CDH23: variants seen among roughly 807,000 people sequenced by gnomAD.
The protein encoded by CDH23 is cadherin-23.
Under a neutral mutation model 317.1 loss-of-function variants are expected in CDH23, and 189 were observed. The ratio of observed to expected loss-of-function variants is 0.60; its 90% CI spans 0.53 to 0.67. The LOEUF is 0.67. CDH23 is among the 30% of genes least tolerant of loss of function. The pLI is 0.00. For missense variants in CDH23, 4,401 were observed against 4,592.4 expected (o/e 0.96, Z 1.20); for synonymous variants, 1,839 against 1,876.8 (o/e 0.98, Z 0.52).
At chr10:71,569,568 C>T (rs1421976895) in intron 7 of CDH23, among the ~76,000 whole-genome samples, 3 of 152,126 alleles carry the variant, frequency 2.0e-5, no homozygotes, top group African/African-American at 4.8e-5. Flanking sequence ...ATTAAGAGAC[C>T]GAACTGATGT....
intron 9 of CDH23, among the ~76,000 whole-genome samples, chr10:71,595,372 C>G (rs557855267): frequency 2.3e-4 from 35 of 152,250 alleles, no homozygotes; most frequent in Non-Finnish European, 4.0e-4. Context: ...TCACCTCCCC[C>G]AGGAAGCCTT....
intron 6 of CDH23, among the ~76,000 whole-genome samples, chr10:71,519,064 A>C (rs187940068): frequency 3.3e-5 from 5 of 152,292 alleles, no homozygotes; most frequent in African/African-American, 1.2e-4. Flanking sequence ...AATGTTCTTA[A>C]TTACATCAGT....
intron 17 of CDH23, 37 bp from the exon 18 acceptor site, chr10:71,682,408 G>T: frequency 6.2e-7 from 1 of 1,606,902 alleles, no homozygotes. Context: ...TCTCAAGTCT[G>T]CTTACAGAGG....
At chr10:71,503,144 C>CGGTGGAG (rs1853432575) in intron 3 of CDH23, among the ~76,000 whole-genome samples, 1 of 152,250 alleles carries the variant, frequency 6.6e-6, no homozygotes. Flanking sequence ...GCCGAGGCCA[C>CGGTGGAG]GGTGGAGGAT....
intron 53 of CDH23, 87 bp from the exon 54 acceptor site, chr10:71,802,811 C>A: frequency 7.1e-7 from 1 of 1,413,024 alleles, no homozygotes; most frequent in Non-Finnish European, 9.9e-7. Flanking sequence ...TGTCCTTCCT[C>A]TATCCAGGCT....
rs747091471 is a variant in CDH23 at position 71,707,392 on chromosome 10, CAG to C, written c.3106+346_3106+347del. 7 of 1,347,526 alleles carry C rather than the reference CAG, an allele frequency of 5.2e-6. No individual in the cohort carries two copies. In the East Asian group the frequency reaches 1.1e-4, roughly 21 times the overall value. 83.5% of individuals were successfully genotyped at this position (1,347,526 alleles called of 1,614,324 possible). A position where few individuals can be genotyped will look rare whatever the true frequency, so the allele number is the denominator to read the frequency against. On this transcript the variant is annotated intron_variant, in intron 26 of 69. Transcript: ENST00000224721. ...CACTCCCCGCCCCAAGTCTGGGTGACAGAGCAGTGACTTGGAGGAATGTGGCC... is the reference window on the plus strand; with the variant it reads ...CACTCCCCGCCCCAAGTCTGGGTGACAGCAGTGACTTGGAGGAATGTGGCC...
chr10:71,624,734 C>CTATTATTATTATTATTATTAT (rs57038733), intron 11 of CDH23, among the ~76,000 whole-genome samples: 1 of 146,214 alleles, frequency 6.8e-6, no homozygotes. Context: ...TAGACATTAG[C>CTATTATTATTATTATTATTAT]TATTATTATT....
chr10:71,811,218 T>C (rs1251988657), intron 62 of CDH23, 97 bp from the exon 63 acceptor site: 9 of 1,570,928 alleles, frequency 5.7e-6, no homozygotes, highest in Non-Finnish European at 7.9e-6. Flanking sequence ...AGGCTTGGGG[T>C]TGTTGAACTT....
At chr10:71,770,774 A>AGGTGGGT in intron 38 of CDH23, among the ~76,000 whole-genome samples, 1 of 152,282 alleles carries the variant, frequency 6.6e-6, no homozygotes, top group South Asian at 2.1e-4. Context: ...TCTCCCAGGA[A>AGGTGGGT]GGTCAGACCC....
At chr10:71,651,249 G>T (rs1200528037) in intron 14 of CDH23, among the ~76,000 whole-genome samples, 4 of 152,158 alleles carry the variant, frequency 2.6e-5, no homozygotes, top group Middle Eastern at 3.4e-3. Context: ...GAGAAAAGAG[G>T]CTGGGAGCAG....
intron 3 of CDH23, among the ~76,000 whole-genome samples, chr10:71,448,623 C>T (rs141517272): frequency 5.2e-4 from 79 of 152,342 alleles, no homozygotes; most frequent in African/African-American, 1.6e-3. Flanking sequence ...CTGTTTCTCG[C>T]TGTGTAACCT....
At chr10:71,805,606 GGAGGA>G (rs776578507) in intron 55 of CDH23, among the ~76,000 whole-genome samples, 195 bp from the exon 56 acceptor site, 7 of 152,198 alleles carry the variant, frequency 4.6e-5, no homozygotes, top group Non-Finnish European at 1.0e-4. Flanking sequence ...CTTGGGTTGG[GGAGGA>G]GAGAAGAGGG....
intron 55 of CDH23, among the ~76,000 whole-genome samples, chr10:71,805,006 G>A (rs975340339): frequency 7.2e-5 from 11 of 152,022 alleles, no homozygotes; most frequent in Admixed American, 3.3e-4. Flanking sequence ...TCTATATGTC[G>A]TCCTACTTGT....
intron 28 of CDH23, chr10:71,713,620 G>A (rs1162340569): frequency 2.1e-5 from 7 of 329,174 alleles, no homozygotes; most frequent in Admixed American, 4.7e-5. Context: ...GAGGATTTGC[G>A]AGAGTGTGGT....
intron 11 of CDH23, among the ~76,000 whole-genome samples, chr10:71,632,808 T>C (rs893125969): frequency 6.6e-6 from 1 of 152,202 alleles, no homozygotes; most frequent in African/African-American, 2.4e-5. Flanking sequence ...CCTGTCTCTC[T>C]GTCTCTCACC....
intron 8 of CDH23, 72 bp from the exon 9 acceptor site, chr10:71,577,842 G>T: frequency 7.6e-7 from 1 of 1,308,080 alleles, no homozygotes; most frequent in Non-Finnish European, 1.1e-6. Context: ...GAAGCTGTGG[G>T]TGCCATGATA....
chr10:71,459,231 G>T (rs1009353253), intron 3 of CDH23, among the ~76,000 whole-genome samples: 1 of 151,976 alleles, frequency 6.6e-6, no homozygotes, highest in Non-Finnish European at 1.5e-5. Flanking sequence ...GGGACCACAG[G>T]TGTGTGCCAC....
chr10:71,738,647 G>C lies in CDH23; in HGVS notation c.4359G>C (p.Gln1453His), dbSNP rs1435336806. 22 of 1,612,490 alleles carry C rather than the reference G, an allele frequency of 1.4e-5. No individual in the cohort carries two copies. The highest frequency in any genetic ancestry group is 1.8e-5 in the Non-Finnish European group (21 of 1,179,366). The change falls in exon 35 of 70, where the codon CAG becomes CAC. Residue 1453 changes from glutamine (Q) to histidine (H), a missense_variant and splice_region_variant. Physicochemically the swap from Gln to His is conservative, Grantham distance 24. This residue lies in a region of CDH23 where 3,068 missense variants were observed against 3,203.3 expected (regional missense o/e 0.96). Coordinates refer to ENST00000224721, the MANE Select transcript of CDH23 (RefSeq NM_022124.6). Reference protein sequence around the residue: ...AWDPDAGSNGQVVFSLASGNI... With the variant: ...AWDPDAGSNGHVVFSLASGNI... Reference sequence around the variant, plus strand: ...ACCCTGATGCTGGCAGCAATGGGCAGGTGGGCCACCGAGTGAAACAGCCAG... The same window carrying C: ...ACCCTGATGCTGGCAGCAATGGGCACGTGGGCCACCGAGTGAAACAGCCAG...
At chr10:71,750,950 C>A in intron 38 of CDH23, 2 of 348,942 alleles carry the variant, frequency 5.7e-6, no homozygotes, top group Non-Finnish European at 1.0e-5. Flanking sequence ...TGCTGAAGGG[C>A]TGGACGTTCT....
Sources: allele counts gnomAD v4.1 joint callset (sites outside exome capture counted in the v4.1 genomes callset), GRCh38; gene constraint gnomAD v4.1.1; regional missense constraint gnomAD v4.1.1; transcripts MANE v1.5; gene names NCBI Gene and HGNC (gene_info 2026-07-23, HGNC 2026-07-21).